The following PLA2R1 variants were observed in gnomAD, a reference collection of about 807,000 sequenced individuals.
The protein encoded by PLA2R1 is secretory phospholipase A2 receptor.
In PLA2R1, 158 loss-of-function variants were observed where a neutral mutation model predicts 195.9. The observed-to-expected ratio is 0.81, with a 90% CI of 0.71 to 0.92. PLA2R1 has a LOEUF of 0.92. PLA2R1 is among the 40% of genes least tolerant of loss of function. PLA2R1 has a pLI of 0.00. For synonymous variants in PLA2R1, 586 were observed against 598.2 expected (o/e 0.98, Z 0.30); for missense variants, 1,626 against 1,764.6 (o/e 0.92, Z 1.41).
At chr2:160,030,102 C>CAGGT (rs1693767600) in intron 4 of PLA2R1, among the ~76,000 whole-genome samples, 1 of 152,278 alleles carries the variant, frequency 6.6e-6, no homozygotes, top group Non-Finnish European at 1.5e-5. Context: ...TATGATTACC[C>CAGGT]AGGTTGTGAA....
chr2:159,929,486 A>AAAAATAT (rs139725025), downstream of PLA2R1, among the ~76,000 whole-genome samples: 25,141 of 151,992 alleles, frequency 0.17, 2,308 homozygotes, highest in South Asian at 0.42. Flanking sequence ...CCATAACCAA[A>AAAAATAT]AAAATATAAA....
intron 22 of PLA2R1, 28 bp from the exon 23 acceptor site, chr2:159,955,374 TATG>T (rs750526558): frequency 2.1e-6 from 3 of 1,422,022 alleles, no homozygotes; most frequent in Non-Finnish European, 2.9e-6. Context: ...TTATCAAAAG[TATG>T]ATAACATATA....
intron 4 of PLA2R1, among the ~76,000 whole-genome samples, chr2:160,029,862 A>T (rs1403777400): frequency 6.6e-6 from 1 of 152,208 alleles, no homozygotes; most frequent in Non-Finnish European, 1.5e-5. Flanking sequence ...TAATCTATAA[A>T]GGAGAGCATT....
chr2:159,994,558 T>G (rs1467295343), intron 11 of PLA2R1, among the ~76,000 whole-genome samples: 1 of 152,138 alleles, frequency 6.6e-6, no homozygotes, highest in Non-Finnish European at 1.5e-5. Context: ...TTATTATGTC[T>G]TTTAAAAAGG....
intron 9 of PLA2R1, among the ~76,000 whole-genome samples, chr2:160,016,167 G>C (rs897711083): frequency 1.3e-5 from 2 of 151,716 alleles, no homozygotes; most frequent in Non-Finnish European, 2.9e-5. Flanking sequence ...GGGAGGCTGA[G>C]GCATGCGAAT....
intron 11 of PLA2R1, among the ~76,000 whole-genome samples, chr2:159,996,130 C>T (rs1041166619): frequency 6.6e-6 from 1 of 151,944 alleles, no homozygotes; most frequent in Non-Finnish European, 1.5e-5. Context: ...TCTGATGCTC[C>T]TTCTTTCTTT....
chr2:159,973,418 T>A (rs537759867), intron 17 of PLA2R1, among the ~76,000 whole-genome samples: 24 of 137,502 alleles, frequency 1.7e-4, no homozygotes, highest in Non-Finnish European at 3.1e-4. Flanking sequence ...AAATCCTAAC[T>A]CTCAAGGTGA....
chr2:159,948,347 G>A (rs974261581), intron 25 of PLA2R1, among the ~76,000 whole-genome samples: 5 of 151,784 alleles, frequency 3.3e-5, no homozygotes, highest in African/African-American at 1.2e-4. Flanking sequence ...TGATCCTCCA[G>A]CCTCAGCCTC....
chr2:160,013,091 G>T (rs1220209241), intron 10 of PLA2R1, among the ~76,000 whole-genome samples, 172 bp downstream of exon 10: 1 of 151,922 alleles, frequency 6.6e-6, no homozygotes, highest in Admixed American at 6.6e-5. Context: ...AATCAATTCT[G>T]GAATAACATA....
intron 14 of PLA2R1, among the ~76,000 whole-genome samples, chr2:159,978,740 A>C (rs1440620299): frequency 6.6e-6 from 1 of 152,168 alleles, no homozygotes. Context: ...TTATCAGAAA[A>C]ATGGATTAGT....
At chr2:159,965,870 G>C (rs951274294) in intron 20 of PLA2R1, among the ~76,000 whole-genome samples, 1 of 152,108 alleles carries the variant, frequency 6.6e-6, no homozygotes, top group Non-Finnish European at 1.5e-5. Context: ...ACTCATTGTT[G>C]TTTTAATTTG....
intron 1 of PLA2R1, 131 bp from the exon 2 acceptor site, chr2:160,045,288 T>G: frequency 1.4e-6 from 1 of 690,580 alleles, no homozygotes; most frequent in Non-Finnish European, 2.4e-6. Context: ...CTGGAGTTGT[T>G]GGGCAGGGTC....
At chr2:159,976,011 A>G (rs1689525474) in intron 17 of PLA2R1, 57 bp downstream of exon 17, 1 of 1,012,362 alleles carries the variant, frequency 9.9e-7, no homozygotes, top group Non-Finnish European at 1.5e-6. Flanking sequence ...CCTCCCTCCC[A>G]AGGGCAAAAG....
intron 20 of PLA2R1, among the ~76,000 whole-genome samples, chr2:159,963,911 CAG>C (rs1374135029): frequency 3.9e-5 from 6 of 152,134 alleles, no homozygotes; most frequent in Admixed American, 2.6e-4. Flanking sequence ...GGGACTCAAA[CAG>C]AGACTTACAC....
chr2:159,976,692 G>A lies in PLA2R1; in HGVS notation c.2430C>T (p.Tyr810=), dbSNP rs1689581468. 6.2e-7 allele frequency: 1 copy of A among 1,606,930 alleles called. No homozygotes were observed. Among genetic ancestry groups the A allele is most frequent in the East Asian group, 2.2e-5 (1 of 44,810 alleles). ...RDVKPKIPFW[Y]QYDVPWLFYQ... ...TGCCAGAGTCATTCTTACCGTACTG[G>A]TACCAGAACGGAATCTTGGGTTTCA... The change falls in exon 16 of 30, where the codon TAC becomes TAT. Residue 810 remains tyrosine (Y), a synonymous_variant. Transcript: ENST00000283243.
chr2:159,969,807 T>A (rs1400903941), intron 18 of PLA2R1, among the ~76,000 whole-genome samples: 1 of 152,156 alleles, frequency 6.6e-6, no homozygotes, highest in Non-Finnish European at 1.5e-5. Context: ...CCTCCCAAAG[T>A]ACTGGGATTA....
At chr2:160,055,494 A>AT in intron 1 of PLA2R1, among the ~76,000 whole-genome samples, 1 of 152,296 alleles carries the variant, frequency 6.6e-6, no homozygotes, top group Non-Finnish European at 1.5e-5. Flanking sequence ...ATGTGGAAGG[A>AT]GGGGTTTGGA....
At chr2:160,011,397 C>T (rs1219147122) in intron 10 of PLA2R1, among the ~76,000 whole-genome samples, 1 of 152,048 alleles carries the variant, frequency 6.6e-6, no homozygotes, top group Non-Finnish European at 1.5e-5. Flanking sequence ...TAATAGCATG[C>T]CTTTTATTTC....
intron 12 of PLA2R1, among the ~76,000 whole-genome samples, chr2:159,985,548 CTT>C (rs957715265): frequency 2.0e-5 from 3 of 152,102 alleles, no homozygotes; most frequent in Non-Finnish European, 4.4e-5. Context: ...AATGTCTTCA[CTT>C]ATATATACAC....
Sources: allele counts gnomAD v4.1 joint callset (sites outside exome capture counted in the v4.1 genomes callset), GRCh38; gene constraint gnomAD v4.1.1; transcripts MANE v1.5; gene names NCBI Gene and HGNC (gene_info 2026-07-23, HGNC 2026-07-21).